The following RUFY4 variants were observed in gnomAD, a reference collection of about 807,000 sequenced individuals.
The protein encoded by RUFY4 is RUN and FYVE domain containing 4.
Under a neutral mutation model 69.0 loss-of-function variants are expected in RUFY4, and 73 were observed. The ratio of observed to expected loss-of-function variants is 1.06; its 90% CI spans 0.88 to 1.29. The LOEUF is 1.29. RUFY4 is among the 50% of genes most tolerant of loss of function. The probability of loss-of-function intolerance (pLI) is 0.00; values close to 1 mark genes in which losing one functional copy is unlikely to be tolerated. For synonymous variants in RUFY4, 287 were observed against 271.8 expected, an observed-to-expected ratio of 1.06 and a Z score of -0.55; for missense variants, 770 against 705.6, an observed-to-expected ratio of 1.09 and a Z score of -1.03.
chr2:218,036,834 T>C, intron 2 of RUFY4, among the ~76,000 whole-genome samples: 1 of 152,236 alleles, frequency 6.6e-6, no homozygotes, highest in East Asian at 1.9e-4. Flanking sequence ...TGGCATCAGG[T>C]ATTTTGGTGA....
exon 7 of RUFY4, chr2:218,075,277 C>A: frequency 6.3e-7 from 1 of 1,594,654 alleles, no homozygotes; most frequent in East Asian, 2.3e-5. Context: ...CATAGGTACC[C>A]CCAGAGCATG....
chr2:218,080,528 G>A (rs937962608), intron 8 of RUFY4, among the ~76,000 whole-genome samples: 1 of 152,206 alleles, frequency 6.6e-6, no homozygotes, highest in Non-Finnish European at 1.5e-5. Context: ...AAAGGAGACG[G>A]TGGGATAGCT....
chr2:218,070,873 C>CTCCCCT lies in RUFY4; in HGVS notation c.153+20_153+25dup. The CTCCCCT allele has an allele frequency of 2.0e-6, 3 of 1,523,844 alleles. No individual in the cohort carries two copies. The highest frequency in any genetic ancestry group is 2.6e-6 in the Non-Finnish European group (3 of 1,138,164). 94.4% of individuals were successfully genotyped at this position (1,523,844 alleles called of 1,614,324 possible). On this transcript the variant is annotated intron_variant, in intron 2 of 10. Coordinates refer to ENST00000344321, the Ensembl canonical transcript of RUFY4. ...CTGCTGCTGCAGGTGGGACCTTCTC[C>CTCCCCT]TCCCCTTCCCCATCCCTCTCCCCAG...
intron 9 of RUFY4, among the ~76,000 whole-genome samples, chr2:218,087,225 C>G (rs865994747): frequency 6.6e-6 from 1 of 152,080 alleles, no homozygotes; most frequent in Non-Finnish European, 1.5e-5. Flanking sequence ...TATATTTATG[C>G]TGTCCAGTAT....
At chr2:218,059,437 C>T (rs1194911951) in intron 3 of RUFY4, 1 of 166,680 alleles carries the variant, frequency 6.0e-6, no homozygotes, top group Non-Finnish European at 1.5e-5. Flanking sequence ...CTCCCCTCCC[C>T]TCAGTCCCTG....
At chr2:218,051,564 ATT>A (rs1182611700) in intron 2 of RUFY4, among the ~76,000 whole-genome samples, 1 of 119,954 alleles carries the variant, frequency 8.3e-6, no homozygotes, top group African/African-American at 3.3e-5. Flanking sequence ...CTGTTCCAAT[ATT>A]TTAAAAAAAA....
chr2:218,065,548 G>C (rs1300042057), upstream of RUFY4: 2 of 152,440 alleles, frequency 1.3e-5, no homozygotes, highest in African/African-American at 4.8e-5. Context: ...TGGGTGTCTG[G>C]GACAAGGGAT....
At chr2:218,044,189 G>T (rs919346220) in intron 2 of RUFY4, among the ~76,000 whole-genome samples, 1 of 152,144 alleles carries the variant, frequency 6.6e-6, no homozygotes, top group Non-Finnish European at 1.5e-5. Context: ...CAGGGGTGGG[G>T]CTCCTGCCTG....
At chr2:218,073,855 A>C in exon 6 of RUFY4, 1 of 1,613,786 alleles carries the variant, frequency 6.2e-7, no homozygotes, top group Non-Finnish European at 8.5e-7. Context: ...AGGGAAGGAG[A>C]CCCAGAAAAA....
intron 2 of RUFY4, 53 bp downstream of exon 4, chr2:218,070,912 G>A: frequency 7.2e-7 from 1 of 1,384,652 alleles, no homozygotes; most frequent in Non-Finnish European, 9.7e-7. Context: ...CAGATAACTG[G>A]TGGGACATTC....
chr2:218,072,708 C>T (rs1363649778), intron 3 of RUFY4, 71 bp from the exon 6 acceptor site: 4 of 1,333,948 alleles, frequency 3.0e-6, no homozygotes, highest in Non-Finnish European at 4.0e-6. Flanking sequence ...CTTCCAGTCC[C>T]CTCTCTCTGT....
At chr2:218,051,530 C>T (rs1345201256) in intron 2 of RUFY4, among the ~76,000 whole-genome samples, 2 of 144,074 alleles carry the variant, frequency 1.4e-5, no homozygotes, top group African/African-American at 5.2e-5. Flanking sequence ...AGAGAACGTT[C>T]TTGTCCTAAG....
chr2:218,085,258 A>G (rs954034813), intron 9 of RUFY4, among the ~76,000 whole-genome samples: 1 of 152,176 alleles, frequency 6.6e-6, no homozygotes, highest in Non-Finnish European at 1.5e-5. Context: ...CCCAGTGCAA[A>G]GGTGATTAAT....
chr2:218,083,175 G>A, exon 9 of RUFY4: 2 of 1,613,744 alleles, frequency 1.2e-6, no homozygotes, highest in East Asian at 2.2e-5. Context: ...GCTGAGAGGA[G>A]GGATGCCATG....
At chr2:218,049,768 A>G (rs985131016) in intron 2 of RUFY4, among the ~76,000 whole-genome samples, 1 of 152,154 alleles carries the variant, frequency 6.6e-6, no homozygotes, top group Non-Finnish European at 1.5e-5. Context: ...TCAGCCTCCC[A>G]AAGTGCTGAG....
chr2:218,035,993 G>A (rs1044023292), intron 2 of RUFY4, among the ~76,000 whole-genome samples: 2 of 152,170 alleles, frequency 1.3e-5, no homozygotes, highest in East Asian at 1.9e-4. Context: ...GAACCCTCAC[G>A]GGGCTGCTCA....
chr2:218,089,607 G>A (rs373445158), intron 10 of RUFY4: 10 of 686,180 alleles, frequency 1.5e-5, no homozygotes, highest in East Asian at 5.4e-5. Context: ...TCCAAGAGCC[G>A]ATTGAGAAAT....
chr2:218,084,763 T>C (rs1320228738), intron 9 of RUFY4, among the ~76,000 whole-genome samples: 2 of 152,032 alleles, frequency 1.3e-5, no homozygotes, highest in Non-Finnish European at 2.9e-5. Context: ...AAATGGAACA[T>C]GGCCGGGTGC....
chr2:218,051,290 A>G (rs1688937312), intron 2 of RUFY4, among the ~76,000 whole-genome samples: 1 of 152,188 alleles, frequency 6.6e-6, no homozygotes, highest in South Asian at 2.1e-4. Context: ...GTCCTATACC[A>G]CATTAGAAAT....
Sources: gnomAD v4.1 joint callset for allele counts (sites outside exome capture counted in the v4.1 genomes callset) on GRCh38, gnomAD v4.1.1 for gene constraint, MANE v1.5 for transcripts, NCBI Gene and HGNC (gene_info 2026-07-23, HGNC 2026-07-21) for gene names.